FMNL3: variants seen among roughly 807,000 people sequenced by gnomAD.
The protein encoded by FMNL3 is formin-like protein 3.
In FMNL3, 57 loss-of-function variants were observed where a neutral mutation model predicts 119.6. The ratio of observed to expected loss-of-function variants is 0.48; its 90% CI spans 0.39 to 0.59. FMNL3 has a LOEUF of 0.59. Ranked by LOEUF, FMNL3 falls within the 20% of genes least tolerant of loss-of-function variation. The pLI is 0.00. For missense variants in FMNL3, 1,053 were observed against 1,323.5 expected, an observed-to-expected ratio of 0.80 and a Z score of 3.17; for synonymous variants, 491 against 507.3, an observed-to-expected ratio of 0.97 and a Z score of 0.43.
rs372165978 is a variant in FMNL3 at position 49,685,182 on chromosome 12, CCA to C, written c.127-16630_127-16629del. Among the ~76,000 whole-genome samples the C allele has an allele frequency of 7.5e-4, 114 of 152,306 alleles. No individual in the cohort carries two copies. In the Middle Eastern group the frequency reaches 0.01, roughly 14 times the overall value. On this transcript the variant is annotated intron_variant, in intron 1 of 25. Transcript: ENST00000335154. ...ATGGTTTTACCCTTGGTAAACGCCC[CCA>C]GTTTTAAAATAAGGTCCAGGCCGGA... is the stretch of plus-strand genomic sequence containing the variant.
intron 1 of FMNL3, among the ~76,000 whole-genome samples, chr12:49,693,899 C>T (rs1052889725): frequency 6.6e-6 from 1 of 151,886 alleles, no homozygotes; most frequent in Non-Finnish European, 1.5e-5. Flanking sequence ...CTGCCCATTT[C>T]GGCCTCCTCA....
intron 1 of FMNL3, among the ~76,000 whole-genome samples, chr12:49,700,802 G>A (rs1389722006): frequency 1.3e-5 from 2 of 151,190 alleles, no homozygotes; most frequent in African/African-American, 4.9e-5. Context: ...ATACTGGGCC[G>A]GGCGCAGTGG....
intron 4 of FMNL3, among the ~76,000 whole-genome samples, chr12:49,663,457 C>T (rs1943797308): frequency 6.6e-6 from 1 of 152,242 alleles, no homozygotes; most frequent in Non-Finnish European, 1.5e-5. Context: ...CTCTCCCCAC[C>T]TTGCCCTGGG....
At chr12:49,673,599 A>G (rs1237733764) in intron 1 of FMNL3, among the ~76,000 whole-genome samples, 2 of 152,288 alleles carry the variant, frequency 1.3e-5, no homozygotes, top group African/African-American at 4.8e-5. Context: ...CAAGAGCCCA[A>G]GGAGGTGGGA....
intron 5 of FMNL3, chr12:49,659,696 G>T (rs1943677086): frequency 1.1e-6 from 1 of 896,048 alleles, no homozygotes; most frequent in South Asian, 5.1e-5. Flanking sequence ...TTACATGTGT[G>T]AGCCACTGCA....
Position 49,649,017 on chromosome 12 carries a change from G to T in FMNL3, c.2515+12C>A. On this transcript the variant is annotated intron_variant, in intron 21 of 25. Coordinates refer to ENST00000335154, the MANE Select transcript of FMNL3 (RefSeq NM_175736.5). This position sits in a 1 kb window ranked among gnomAD's most constrained non-coding sequence, Gnocchi z 5.6. ...ATGTGAGGGCAGGCCCACCCAGCCAGGCTCTCCTCACCTGCTGCAGCCTTC... is the reference window on the plus strand; with the variant it reads ...ATGTGAGGGCAGGCCCACCCAGCCATGCTCTCCTCACCTGCTGCAGCCTTC... The T allele has an allele frequency of 6.3e-7, 1 of 1,576,520 alleles. No individual in the cohort carries two copies. Among genetic ancestry groups the T allele is most frequent in the Non-Finnish European group, 8.6e-7 (1 of 1,161,634 alleles).
intron 1 of FMNL3, among the ~76,000 whole-genome samples, chr12:49,673,537 A>T (rs1944101923): frequency 6.6e-6 from 1 of 152,262 alleles, no homozygotes; most frequent in Non-Finnish European, 1.5e-5. Flanking sequence ...ACATGTCTCT[A>T]CTGGTGGGCA....
intron 1 of FMNL3, among the ~76,000 whole-genome samples, chr12:49,695,824 T>TA (rs954778998): frequency 6.6e-6 from 1 of 152,062 alleles, no homozygotes; most frequent in Non-Finnish European, 1.5e-5. Context: ...GGTCATTTTT[T>TA]TTTTTTGTAA....
intron 1 of FMNL3, among the ~76,000 whole-genome samples, chr12:49,706,463 G>A (rs1382463192): frequency 1.3e-5 from 2 of 152,218 alleles, no homozygotes; most frequent in African/African-American, 4.8e-5. Context: ...TAACTTAGCA[G>A]GATGCCTGCA....
Position 49,648,308 on chromosome 12 carries a change from C to T in FMNL3, c.2561G>A (p.Gly854Asp). The T allele has an allele frequency of 6.2e-7, 1 of 1,613,464 alleles. No homozygotes were observed. The highest frequency in any genetic ancestry group is 2.2e-5 in the East Asian group (1 of 44,814). ...VLLDVKELGR[G>D]MELIRRECSI... ...GCACTCACGCCGAATCAGCTCCATG[C>T]CCCGGCCCAGCTCCTTCACGTCCAG... Residue 854 changes from glycine (G) to aspartate (D), a missense_variant, in exon 22 of 26, where the codon GGC becomes GAC. Around this residue, in one of 4 missense-constraint regions of FMNL3, gnomAD observed 324 missense variants for 380.9 expected, o/e 0.85. Coordinates refer to ENST00000335154, the MANE Select transcript of FMNL3 (RefSeq NM_175736.5).
Position 49,700,263 on chromosome 12 carries a change from G to A in FMNL3, c.126+6792C>T, listed in dbSNP as rs190361109. ...AAAAATTAGCCAGGCGTGGTGGCGG[G>A]CGCCTGTAGTCCCAGCTACTCGGGA... On this transcript the variant is annotated intron_variant, in intron 1 of 25. Transcript: ENST00000335154. Among the ~76,000 whole-genome samples the A allele has an allele frequency of 2.9e-3, 443 of 151,834 alleles. 3 individuals carry two copies. Among genetic ancestry groups the A allele is most frequent in the Admixed American group, 4.9e-3 (74 of 15,234 alleles).
At chr12:49,666,296 G>T in intron 2 of FMNL3, 89 bp from the exon 3 acceptor site, 1 of 1,151,832 alleles carries the variant, frequency 8.7e-7, no homozygotes, top group Non-Finnish European at 1.3e-6. Context: ...ATAGTGTTCA[G>T]TGTGAGGGGG....
chr12:49,688,393 C>T (rs1440887065), intron 1 of FMNL3: 1 of 455,878 alleles, frequency 2.2e-6, no homozygotes, highest in African/African-American at 2.0e-5. Flanking sequence ...AATTAATTTC[C>T]AAACTCCTTA....
intron 1 of FMNL3, among the ~76,000 whole-genome samples, chr12:49,682,410 C>A (rs1011506957): frequency 6.6e-6 from 1 of 152,130 alleles, no homozygotes; most frequent in African/African-American, 2.4e-5. Context: ...GCAGCATAAC[C>A]ACAACTCACT....
chr12:49,680,542 T>C (rs1387630158), intron 1 of FMNL3, among the ~76,000 whole-genome samples: 1 of 152,232 alleles, frequency 6.6e-6, no homozygotes, highest in Admixed American at 6.5e-5. Context: ...AGGCTAGAAC[T>C]TGACATAGAG....
At chr12:49,680,962 T>C (rs969049140) in intron 1 of FMNL3, among the ~76,000 whole-genome samples, 1 of 152,252 alleles carries the variant, frequency 6.6e-6, no homozygotes, top group Admixed American at 6.5e-5. Flanking sequence ...AAAACAAATC[T>C]CTTTTTCTAA....
chr12:49,644,337 C>T lies in FMNL3; in HGVS notation c.*1478G>A. On this transcript the variant is annotated 3_prime_UTR_variant, in exon 26 of 26. Coordinates refer to ENST00000335154, the MANE Select transcript of FMNL3 (RefSeq NM_175736.5). The stretch of plus-strand genomic sequence containing the variant: ...CACCCCCAGCACACCATTGTTGGCA[C>T]CTCTCAAGGTTGCTCTTGGTGTTCA... 1.1e-6 allele frequency: 1 copy of T among 922,212 alleles called. No individual in the cohort carries two copies. Among genetic ancestry groups the T allele is most frequent in the Non-Finnish European group, 1.7e-6 (1 of 596,182 alleles). 57.1% of individuals were successfully genotyped at this position (922,212 alleles called of 1,614,324 possible).
intron 1 of FMNL3, among the ~76,000 whole-genome samples, chr12:49,692,920 C>G (rs1747180733): frequency 6.6e-6 from 1 of 150,914 alleles, no homozygotes; most frequent in Non-Finnish European, 1.5e-5. Flanking sequence ...GTTTTAACAT[C>G]CAGGCAAAGG....
intron 1 of FMNL3, among the ~76,000 whole-genome samples, chr12:49,674,214 T>C (rs1944123632): frequency 6.6e-6 from 1 of 152,170 alleles, no homozygotes. Context: ...ACAGACAGCC[T>C]GAAATGGGCT....
Sources: allele counts gnomAD v4.1 joint callset (sites outside exome capture counted in the v4.1 genomes callset), GRCh38; gene constraint gnomAD v4.1.1; regional missense constraint gnomAD v4.1.1; non-coding constraint Gnocchi (gnomAD v3.1); transcripts MANE v1.5; gene names NCBI Gene and HGNC (gene_info 2026-07-23, HGNC 2026-07-21).